The following ZFHX3 variants were observed in gnomAD, a reference collection of about 807,000 sequenced individuals.
The protein encoded by ZFHX3 is zinc finger homeobox protein 3.
A neutral mutation model predicts 279.1 loss-of-function variants in ZFHX3; 42 were observed. The observed-to-expected ratio is 0.15, with a 90% CI of 0.12 to 0.19. The LOEUF is 0.19. Among genes scored for constraint, ZFHX3 ranks in the 10% least tolerant of loss-of-function variants. The pLI is 1.00. For missense variants in ZFHX3, 4,981 were observed against 4,754.0 expected (o/e 1.05, Z -1.40); for synonymous variants, 2,293 against 1,957.8 (o/e 1.17, Z -4.52).
At chr16:73,552,390 T>C (rs989922282) in intron 2 of ZFHX3, among the ~76,000 whole-genome samples, 1 of 152,196 alleles carries the variant, frequency 6.6e-6, no homozygotes, top group African/African-American at 2.4e-5. Context: ...AAATTAGCCA[T>C]AAAATCCATA....
At chr16:72,885,330 C>T (rs960225688) in intron 4 of ZFHX3, among the ~76,000 whole-genome samples, 6 of 152,234 alleles carry the variant, frequency 3.9e-5, no homozygotes, top group African/African-American at 9.6e-5. Context: ...TGCCCAACCA[C>T]GAGGCCTCTC....
At chr16:73,481,627 GTTGTTTGT>G (rs752232126) in intron 2 of ZFHX3, among the ~76,000 whole-genome samples, 3 of 147,992 alleles carry the variant, frequency 2.0e-5, no homozygotes, top group African/African-American at 7.7e-5. Context: ...TTTTTTTGTT[GTTGTTTGT>G]TTGTTTGTTT....
chr16:73,545,525 C>G (rs2020093857), intron 2 of ZFHX3, among the ~76,000 whole-genome samples: 1 of 152,052 alleles, frequency 6.6e-6, no homozygotes. Flanking sequence ...GCCATTCATG[C>G]AAAAGGATAA....
chr16:73,532,004 C>T (rs948969812), intron 2 of ZFHX3, among the ~76,000 whole-genome samples: 9 of 151,704 alleles, frequency 5.9e-5, no homozygotes, highest in African/African-American at 1.9e-4. Context: ...GGGAAAATGG[C>T]CTGAGCCCAT....
intron 3 of ZFHX3, among the ~76,000 whole-genome samples, chr16:72,942,144 G>C (rs1405978506): frequency 1.3e-5 from 2 of 152,198 alleles, no homozygotes; most frequent in Non-Finnish European, 2.9e-5. Flanking sequence ...GTTGGGACTA[G>C]ACGTATTCAA....
chr16:73,703,476 C>G (rs1305329880), intron 1 of ZFHX3, among the ~76,000 whole-genome samples: 1 of 148,970 alleles, frequency 6.7e-6, no homozygotes, highest in Non-Finnish European at 1.5e-5. Context: ...TTGAATTCCA[C>G]AATGCAAGAG....
chr16:73,515,464 GAT>G, intron 2 of ZFHX3, among the ~76,000 whole-genome samples: 1 of 147,986 alleles, frequency 6.8e-6, no homozygotes, highest in African/African-American at 2.6e-5. Flanking sequence ...GAGAGAGATA[GAT>G]AAGAGAGAGG....
intron 5 of ZFHX3, among the ~76,000 whole-genome samples, chr16:73,223,162 G>A (rs574216471): frequency 3.9e-5 from 6 of 152,160 alleles, no homozygotes; most frequent in South Asian, 2.1e-4. Flanking sequence ...TGGGTTTGGC[G>A]ATGACTTTTT....
At chr16:73,201,232 A>G (rs1225521741) in intron 5 of ZFHX3, among the ~76,000 whole-genome samples, 1 of 152,192 alleles carries the variant, frequency 6.6e-6, no homozygotes, top group Non-Finnish European at 1.5e-5. Flanking sequence ...ATGCTGGTGG[A>G]TGTGAGTTTG....
intron 1 of ZFHX3, among the ~76,000 whole-genome samples, chr16:73,017,723 A>G (rs924088166): frequency 1.3e-5 from 2 of 152,020 alleles, no homozygotes; most frequent in Non-Finnish European, 2.9e-5. Flanking sequence ...AGAATTGTCC[A>G]ACCATCCATT....
intron 1 of ZFHX3, among the ~76,000 whole-genome samples, chr16:72,990,207 C>A (rs542909579): frequency 6.6e-6 from 1 of 152,318 alleles, no homozygotes; most frequent in Non-Finnish European, 1.5e-5. Context: ...GAGGGGAAAC[C>A]AGTAAACCCG....
intron 3 of ZFHX3, among the ~76,000 whole-genome samples, chr16:72,915,431 C>T (rs1006554418): frequency 1.3e-5 from 2 of 152,120 alleles, no homozygotes; most frequent in Admixed American, 6.5e-5. Context: ...TCCAACCTGT[C>T]CACCCAACTA....
intron 1 of ZFHX3, among the ~76,000 whole-genome samples, chr16:73,784,858 C>A (rs1342255047): frequency 6.9e-6 from 1 of 145,924 alleles, no homozygotes; most frequent in Non-Finnish European, 1.5e-5. Context: ...AAAAGCCAAG[C>A]AGTTCCATAA....
At chr16:72,842,569 C>T (rs2037371536) in intron 4 of ZFHX3, among the ~76,000 whole-genome samples, 1 of 152,024 alleles carries the variant, frequency 6.6e-6, no homozygotes, top group African/African-American at 2.4e-5. Context: ...TAAGACCGTC[C>T]CATGATTAGA....
At chr16:73,134,995 T>A (rs1355665397) in intron 6 of ZFHX3, among the ~76,000 whole-genome samples, 1 of 152,136 alleles carries the variant, frequency 6.6e-6, no homozygotes, top group Non-Finnish European at 1.5e-5. Flanking sequence ...CAAAAATGTA[T>A]CTTTGTTGCA....
chr16:73,641,383 C>T (rs2052571938), intron 2 of ZFHX3, among the ~76,000 whole-genome samples: 1 of 152,058 alleles, frequency 6.6e-6, no homozygotes, highest in African/African-American at 2.4e-5. Context: ...ACTGCCCACG[C>T]TGGAGTGGAG....
intron 4 of ZFHX3, among the ~76,000 whole-genome samples, chr16:72,880,390 G>A (rs180867722): frequency 7.2e-5 from 11 of 152,204 alleles, no homozygotes; most frequent in Admixed American, 4.6e-4. Context: ...TTAACGTGAG[G>A]CCTTTAGGGT....
At chr16:73,645,785 G>A (rs937076995) in intron 2 of ZFHX3, among the ~76,000 whole-genome samples, 1 of 152,110 alleles carries the variant, frequency 6.6e-6, no homozygotes, top group African/African-American at 2.4e-5. Context: ...AAATAAAGTG[G>A]CTAAATGACA....
chr16:73,805,623 T>G (rs1376686515), intron 1 of ZFHX3, among the ~76,000 whole-genome samples: 5 of 152,246 alleles, frequency 3.3e-5, no homozygotes, highest in Non-Finnish European at 2.9e-5. Flanking sequence ...ACTTATTCAT[T>G]TATTGATGAA....
Sources: allele counts gnomAD v4.1 joint callset (sites outside exome capture counted in the v4.1 genomes callset), GRCh38; gene constraint gnomAD v4.1.1; transcripts MANE v1.5; gene names NCBI Gene and HGNC (gene_info 2026-07-23, HGNC 2026-07-21).